Variants in VTCN1 observed in about 807,000 individuals in gnomAD.
The protein encoded by VTCN1 is V-set domain containing T cell activation inhibitor 1, also known as V-set domain-containing T-cell activation inhibitor 1.
Under a neutral mutation model 26.5 loss-of-function variants are expected in VTCN1, and 26 were observed. The ratio of observed to expected loss-of-function variants is 0.98; its 90% CI spans 0.72 to 1.36. The LOEUF (loss-of-function observed/expected upper bound fraction) is 1.36. Ranked by LOEUF, VTCN1 falls within the 40% of genes most tolerant of loss-of-function variation. VTCN1 has a pLI of 0.00. For missense variants in VTCN1, 298 were observed against 337.7 expected (o/e 0.88, Z 0.92); for synonymous variants, 116 against 130.7 (o/e 0.89, Z 0.77).
chr1:117,171,591 T>C (rs886187852), intron 1 of VTCN1, among the ~76,000 whole-genome samples: 2 of 152,232 alleles, frequency 1.3e-5, no homozygotes, highest in African/African-American at 4.8e-5. Flanking sequence ...GATTAACAAA[T>C]GACACCCGGG....
chr1:117,179,605 A>G (rs1481016521), intron 1 of VTCN1, among the ~76,000 whole-genome samples: 1 of 152,204 alleles, frequency 6.6e-6, no homozygotes, highest in African/African-American at 2.4e-5. Flanking sequence ...GGGTAAACAC[A>G]CAGGGGGTGG....
chr1:117,202,977 G>A (rs1648862331), intron 1 of VTCN1, among the ~76,000 whole-genome samples: 2 of 152,166 alleles, frequency 1.3e-5, no homozygotes, highest in African/African-American at 4.8e-5. Context: ...GCATGCTGAT[G>A]GGGATAATAG....
intron 1 of VTCN1, chr1:117,173,389 C>CACACACAA (rs3220602): frequency 2.1e-6 from 1 of 476,260 alleles, no homozygotes; most frequent in African/African-American, 2.1e-5. Flanking sequence ...CACACACACA[C>CACACACAA]AACACCATGT....
At chr1:117,172,809 CTGTAAAAATG>C (rs1557868161) in intron 1 of VTCN1, among the ~76,000 whole-genome samples, 20 of 32,962 alleles carry the variant, frequency 6.1e-4, no homozygotes, top group Non-Finnish European at 1.8e-3. Context: ...AATCAGCACT[CTGTAAAAATG>C]CACCAATCAG....
intron 1 of VTCN1, among the ~76,000 whole-genome samples, chr1:117,208,359 T>G (rs1437850097): frequency 6.6e-6 from 1 of 152,108 alleles, no homozygotes; most frequent in East Asian, 1.9e-4. Context: ...GCCCACCCAT[T>G]CTCTGGCTCA....
chr1:117,148,938 TAC>T (rs1651654138), intron 4 of VTCN1, among the ~76,000 whole-genome samples: 1 of 152,092 alleles, frequency 6.6e-6, no homozygotes, highest in African/African-American at 2.4e-5. Flanking sequence ...CAGCAGAATG[TAC>T]ACGGGCTTCC....
intron 1 of VTCN1, among the ~76,000 whole-genome samples, chr1:117,198,577 C>T (rs1648632392): frequency 6.6e-6 from 1 of 152,202 alleles, no homozygotes; most frequent in African/African-American, 2.4e-5. Flanking sequence ...CATCCACATT[C>T]TCTGTAGAGG....
chr1:117,181,084 T>C (rs570199510), intron 1 of VTCN1, among the ~76,000 whole-genome samples: 40 of 152,338 alleles, frequency 2.6e-4, no homozygotes, highest in African/African-American at 9.1e-4. Flanking sequence ...AACTCTTCCT[T>C]ACAAAATGTA....
chr1:117,170,386 G>C (rs1314236734), intron 1 of VTCN1: 2 of 649,274 alleles, frequency 3.1e-6, no homozygotes, highest in Non-Finnish European at 5.8e-6. Flanking sequence ...TCAATGAAAA[G>C]AGTGACCCTT....
intron 1 of VTCN1, among the ~76,000 whole-genome samples, chr1:117,188,728 T>C (rs1218888418): frequency 6.6e-6 from 1 of 152,208 alleles, no homozygotes; most frequent in Non-Finnish European, 1.5e-5. Context: ...ACAGCCCAGC[T>C]GCATGGCAGC....
At chr1:117,178,320 G>A (rs1388286840) in intron 1 of VTCN1, among the ~76,000 whole-genome samples, 1 of 146,042 alleles carries the variant, frequency 6.8e-6, no homozygotes, top group Admixed American at 6.9e-5. Flanking sequence ...GCAGTGTCGT[G>A]ATCTTGGCTC....
At position 117,145,098 on chromosome 1, in the gene VTCN1, C is replaced by T. The variant is rs1481112706; in HGVS notation, c.*173G>A. On this transcript the variant is annotated 3_prime_UTR_variant, in exon 6 of 6. Coordinates refer to ENST00000369458, the MANE Select transcript of VTCN1 (RefSeq NM_024626.4). The surrounding 1 kb of genome is among the most constrained non-coding windows in gnomAD (Gnocchi z 4.6). ...AGATTTATCTTGTTCATATTGGAGC[C>T]TTCTGCTTTTGGCTTCTTTTTGTTT... 1.3e-5 allele frequency: 2 copies of T among 152,500 alleles called. No homozygotes were observed. The highest frequency in any genetic ancestry group is 4.8e-5 in the African/African-American group (2 of 41,380). 9.4% of individuals were successfully genotyped at this position (152,500 alleles called of 1,614,324 possible).
chr1:117,191,599 A>G (rs1648247678), intron 1 of VTCN1, among the ~76,000 whole-genome samples: 2 of 152,220 alleles, frequency 1.3e-5, no homozygotes, highest in Admixed American at 6.5e-5. Context: ...CCTGACCAAC[A>G]TGGAGAAACC....
At chr1:117,164,262 C>A in intron 2 of VTCN1, among the ~76,000 whole-genome samples, 1 of 152,036 alleles carries the variant, frequency 6.6e-6, no homozygotes, top group East Asian at 1.9e-4. Flanking sequence ...CCCAGGAGTG[C>A]CCTGTATGTA....
chr1:117,164,696 G>C (rs1652526548), intron 2 of VTCN1, among the ~76,000 whole-genome samples: 1 of 152,208 alleles, frequency 6.6e-6, no homozygotes, highest in Non-Finnish European at 1.5e-5. Context: ...TGAGCGCTGA[G>C]ATTGGAATGG....
intron 1 of VTCN1, among the ~76,000 whole-genome samples, chr1:117,187,665 TCTC>T (rs1648014822): frequency 6.6e-6 from 1 of 152,204 alleles, no homozygotes; most frequent in Non-Finnish European, 1.5e-5. Flanking sequence ...TCTCCTTTAG[TCTC>T]CTCTAAGTTT....
At chr1:117,194,670 T>C (rs956815783) in intron 1 of VTCN1, among the ~76,000 whole-genome samples, 3 of 152,348 alleles carry the variant, frequency 2.0e-5, no homozygotes. Context: ...ATATTTACAA[T>C]GAAATATTAT....
rs560290078 is a variant in VTCN1, at chr1:117,145,055, T to C, written c.*216A>G. The C allele has an allele frequency of 1.3e-5, 2 of 152,804 alleles. No homozygotes were observed. The highest frequency in any genetic ancestry group is 1.3e-4 in the Admixed American group (2 of 15,304). 9.5% of individuals were successfully genotyped at this position (152,804 alleles called of 1,614,324 possible). The stretch of plus-strand genomic sequence containing the variant: ...TCACATGAATTATTTTCCCAACTTC[T>C]AATATGTCTTTGAAGATAGATTTAT... On this transcript the variant is annotated 3_prime_UTR_variant, in exon 6 of 6. Coordinates refer to ENST00000369458, the MANE Select transcript of VTCN1 (RefSeq NM_024626.4). The surrounding 1 kb of genome is among the most constrained non-coding windows in gnomAD (Gnocchi z 4.6).
chr1:117,176,636 C>A (rs1450259852), intron 1 of VTCN1, among the ~76,000 whole-genome samples: 1 of 152,176 alleles, frequency 6.6e-6, no homozygotes, highest in East Asian at 1.9e-4. Context: ...ATGTTTAAAA[C>A]CCTGAAAACT....
Sources: gnomAD v4.1 joint callset for allele counts (sites outside exome capture counted in the v4.1 genomes callset) on GRCh38, gnomAD v4.1.1 for gene constraint, Gnocchi (gnomAD v3.1) non-coding constraint, MANE v1.5 for transcripts, NCBI Gene and HGNC (gene_info 2026-07-23, HGNC 2026-07-21) for gene names.